MMAA: variants seen among roughly 807,000 people sequenced by gnomAD.
The protein encoded by MMAA is metabolism of cobalamin associated A.
In MMAA, 41 loss-of-function variants were observed where a neutral mutation model predicts 45.0. The observed-to-expected ratio is 0.91, with a 90% CI of 0.71 to 1.18. MMAA has a LOEUF of 1.18. Among genes scored for constraint, MMAA ranks in the 50% most tolerant of loss-of-function variants. The pLI is 0.00. For missense variants in MMAA, 460 were observed against 495.7 expected (o/e 0.93, Z 0.68); for synonymous variants, 154 against 178.2 (o/e 0.86, Z 1.08).
At chr4:145,622,000 C>T (rs1734098412) in intron 1 of MMAA, among the ~76,000 whole-genome samples, 1 of 151,820 alleles carries the variant, frequency 6.6e-6, no homozygotes, top group African/African-American at 2.4e-5. Flanking sequence ...AGTTATTGAC[C>T]CATGCAGAAT....
chr4:145,639,154 A>C lies in MMAA; in HGVS notation c.15A>C (p.Leu5=). Residue 5 remains leucine (L), a synonymous_variant, in exon 2 of 7, where the codon CTA becomes CTC. Coordinates refer to ENST00000649156, the MANE Select transcript of MMAA (RefSeq NM_172250.3). Reference sequence around the variant, plus strand: ...ATAAAACGAATATGCCCATGCTGCTACCACATCCTCACCAGCATTTCCTAA... The same window carrying C: ...ATAAAACGAATATGCCCATGCTGCTCCCACATCCTCACCAGCATTTCCTAA... The part of the protein sequence containing the change: MPML[L]PHPHQHFLKG... The C allele has an allele frequency of 6.2e-7, 1 of 1,614,160 alleles. No individual in the cohort carries two copies. Among genetic ancestry groups the C allele is most frequent in the Non-Finnish European group, 8.5e-7 (1 of 1,179,994 alleles).
chr4:145,655,597 A>C lies in MMAA; in HGVS notation c.*163A>C. The C allele has an allele frequency of 1.5e-6, 1 of 646,366 alleles. No homozygotes were observed. The highest frequency in any genetic ancestry group is 2.6e-6 in the Non-Finnish European group (1 of 387,048). 40.0% of individuals were successfully genotyped at this position (646,366 alleles called of 1,614,324 possible). A position where few individuals can be genotyped will look rare whatever the true frequency, so the allele number is the denominator to read the frequency against. On this transcript the variant is annotated 3_prime_UTR_variant, in exon 7 of 7. Coordinates refer to ENST00000649156, the MANE Select transcript of MMAA (RefSeq NM_172250.3). ...TTGAAGGAAGTTAGATATGAATGGC[A>C]AAAGTTAGGCAGTATTTATAAGGTA... is the stretch of plus-strand genomic sequence containing the variant.
chr4:145,642,346 A>T lies in MMAA; in HGVS notation c.440-17A>T, dbSNP rs373100355. ...TTCATTTGTTTCATTGAATTAGAAG[A>T]TCTCTTTCCACCGTAGGATTGTCTG... On this transcript the variant is annotated splice_polypyrimidine_tract_variant and intron_variant, in intron 2 of 6. Coordinates refer to ENST00000649156, the MANE Select transcript of MMAA (RefSeq NM_172250.3). 27 of 1,613,318 alleles carry T rather than the reference A, an allele frequency of 1.7e-5. No individual in the cohort carries two copies. In the African/African-American group the frequency reaches 3.2e-4, roughly 19 times the overall value.
intron 1 of MMAA, among the ~76,000 whole-genome samples, chr4:145,631,030 A>G (rs1734325742): frequency 6.6e-6 from 1 of 152,076 alleles, no homozygotes; most frequent in Non-Finnish European, 1.5e-5. Context: ...TCTTATTTCA[A>G]TTTTTTGAAT....
At chr4:145,625,741 A>C in intron 1 of MMAA, 1 of 1,418,498 alleles carries the variant, frequency 7.0e-7, no homozygotes, top group Non-Finnish European at 1.0e-6. Context: ...AGACAATTGA[A>C]CTGGCCTGAT....
intron 4 of MMAA, among the ~76,000 whole-genome samples, chr4:145,648,328 A>G (rs999955178): frequency 2.6e-5 from 4 of 151,488 alleles, no homozygotes; most frequent in Non-Finnish European, 4.4e-5. Context: ...TTGTATTTTT[A>G]GTAGAGACGG....
chr4:145,652,537 G>A (rs1285903562), intron 5 of MMAA, among the ~76,000 whole-genome samples: 1 of 151,992 alleles, frequency 6.6e-6, no homozygotes, highest in Non-Finnish European at 1.5e-5. Context: ...GACCATCCTG[G>A]CTAACATGGT....
chr4:145,621,426 G>A (rs1237641833), intron 1 of MMAA, among the ~76,000 whole-genome samples: 1 of 152,186 alleles, frequency 6.6e-6, no homozygotes, highest in African/African-American at 2.4e-5. Flanking sequence ...AGTGGACAGA[G>A]AACTTTAGAG....
At chr4:145,627,439 TA>T (rs947758176) in intron 1 of MMAA, among the ~76,000 whole-genome samples, 3 of 151,834 alleles carry the variant, frequency 2.0e-5, no homozygotes, top group African/African-American at 7.3e-5. Context: ...TAACATAGAG[TA>T]GATGGAGTAT....
rs1728227187 is a variant in MMAA, at chr4:145,656,261, C to G, written c.*827C>G. The G allele has an allele frequency of 6.6e-6, 1 of 152,020 alleles. No homozygotes were observed. Among genetic ancestry groups the G allele is most frequent in the African/African-American group, 2.4e-5 (1 of 41,406 alleles). 9.4% of individuals were successfully genotyped at this position (152,020 alleles called of 1,614,324 possible). On this transcript the variant is annotated 3_prime_UTR_variant, in exon 7 of 7. Coordinates refer to ENST00000649156, the MANE Select transcript of MMAA (RefSeq NM_172250.3). Reference sequence around the variant, plus strand: ...TTTTAGTATTTTAAAAATCTTTTTTCTTGATGGTGAACAAGTTTTGTCCTA... The same window carrying G: ...TTTTAGTATTTTAAAAATCTTTTTTGTTGATGGTGAACAAGTTTTGTCCTA...
chr4:145,652,011 C>A (rs916329847), intron 5 of MMAA, among the ~76,000 whole-genome samples: 1 of 152,098 alleles, frequency 6.6e-6, no homozygotes, highest in Admixed American at 6.5e-5. Context: ...AGGCCCAGTT[C>A]CTCCGTGGCC....
Position 145,646,019 on chromosome 4 carries a change from A to T in MMAA, c.596A>T (p.Glu199Val). The change falls in exon 4 of 7, where the codon GAG becomes GTG. Residue 199 changes from glutamate (E) to valine (V), a missense_variant. Coordinates refer to ENST00000649156, the MANE Select transcript of MMAA (RefSeq NM_172250.3). ...TTAGGTGATAAAACCCGAATGACTG[A>T]GTTATCAAGAGATATGAATGCATAC... ...SLLGDKTRMT[E>V]LSRDMNAYIR... The T allele has an allele frequency of 6.2e-7, 1 of 1,614,088 alleles. No individual in the cohort carries two copies. Among genetic ancestry groups the T allele is most frequent in the Non-Finnish European group, 8.5e-7 (1 of 1,179,960 alleles).
chr4:145,626,011 C>A (rs1734198528), intron 1 of MMAA: 1 of 1,396,784 alleles, frequency 7.2e-7, no homozygotes, highest in Admixed American at 1.8e-5. Context: ...CTGGAGCTGC[C>A]ACTCTGGTCT....
At chr4:145,636,211 C>T (rs937756815) in intron 1 of MMAA, among the ~76,000 whole-genome samples, 2 of 152,156 alleles carry the variant, frequency 1.3e-5, no homozygotes, top group African/African-American at 4.8e-5. Context: ...GGCTCCATGT[C>T]AAACTCTGAG....
chr4:145,622,401 G>T (rs1734107057), intron 1 of MMAA, among the ~76,000 whole-genome samples: 1 of 151,892 alleles, frequency 6.6e-6, no homozygotes, highest in Non-Finnish European at 1.5e-5. Context: ...CCCAGTCTCG[G>T]GTATGTCTTT....
chr4:145,647,752 C>T (rs976445250), intron 4 of MMAA, among the ~76,000 whole-genome samples: 17 of 152,132 alleles, frequency 1.1e-4, no homozygotes. Flanking sequence ...GGATTAAGGC[C>T]CTACCCTTAT....
In MMAA at chr4:145,659,939, C is replaced by A. The variant is rs1728339139; in HGVS notation, c.*4505C>A. 1 of 152,032 alleles carries A rather than the reference C, an allele frequency of 6.6e-6. No individual in the cohort carries two copies. Among genetic ancestry groups the A allele is most frequent in the African/African-American group, 2.4e-5 (1 of 41,366 alleles). 9.4% of individuals were successfully genotyped at this position (152,032 alleles called of 1,614,324 possible). The stretch of plus-strand genomic sequence containing the variant: ...TCCTATCTAGTTGTAACTTTGTACC[C>A]ATTGACCCCCCTTCCCTTCCTTCCA... On this transcript the variant is annotated 3_prime_UTR_variant, in exon 7 of 7. Transcript: ENST00000649156.
At chr4:145,630,442 G>A (rs1734312470) in intron 1 of MMAA, among the ~76,000 whole-genome samples, 1 of 151,994 alleles carries the variant, frequency 6.6e-6, no homozygotes, top group African/African-American at 2.4e-5. Context: ...AAGATGCATT[G>A]TTTAGGCCGG....
In MMAA at chr4:145,632,155, G is replaced by A. The variant is rs182033202; in HGVS notation, c.-65-6920G>A. 6.1e-3 allele frequency among the ~76,000 whole-genome samples: 931 copies of A among 152,304 alleles called. 4 individuals are homozygous for A. Among genetic ancestry groups the A allele is most frequent in the Non-Finnish European group, 9.0e-3 (609 of 68,012 alleles). On this transcript the variant is annotated intron_variant, in intron 1 of 6. Coordinates refer to ENST00000649156, the MANE Select transcript of MMAA (RefSeq NM_172250.3). ...CACTAATGTCCTTTTCTTTCTTGCT[G>A]AAGTGTCCTCTTTAGCATTTCTTGT... is the stretch of plus-strand genomic sequence containing the variant.
Sources: gnomAD v4.1 joint callset for allele counts (sites outside exome capture counted in the v4.1 genomes callset) on GRCh38, gnomAD v4.1.1 for gene constraint, MANE v1.5 for transcripts, NCBI Gene and HGNC (gene_info 2026-07-23, HGNC 2026-07-21) for gene names.